Variants in GREB1L observed in about 807,000 individuals in gnomAD.
GREB1L encodes the protein GREB1 like retinoic acid receptor coactivator, also known as GREB1-like protein.
A neutral mutation model predicts 200.8 loss-of-function variants in GREB1L; 17 were observed. The ratio of observed to expected loss-of-function variants is 0.08; its 90% CI spans 0.06 to 0.13. The LOEUF (loss-of-function observed/expected upper bound fraction) is 0.13, where lower values mean the gene tolerates loss of function less well. Ranked by LOEUF, GREB1L falls within the 10% of genes least tolerant of loss-of-function variation. GREB1L has a pLI of 1.00. For missense variants in GREB1L, 1,657 were observed against 2,367.7 expected, an observed-to-expected ratio of 0.70 and a Z score of 6.23; for synonymous variants, 789 against 893.0, an observed-to-expected ratio of 0.88 and a Z score of 2.08.
intron 7 of GREB1L, among the ~76,000 whole-genome samples, chr18:21,418,420 T>C (rs1316140396): frequency 1.3e-5 from 2 of 152,228 alleles, no homozygotes; most frequent in East Asian, 3.8e-4. Context: ...CTGAATACAA[T>C]GTAAATGTTA....
intron 1 of GREB1L, among the ~76,000 whole-genome samples, chr18:21,346,351 T>C (rs1304330583): frequency 1.3e-5 from 2 of 152,036 alleles, no homozygotes; most frequent in East Asian, 3.9e-4. Flanking sequence ...CCTACCAGAC[T>C]GCCACCGGGG....
intron 31 of GREB1L, among the ~76,000 whole-genome samples, chr18:21,520,404 C>CT (rs756696624): frequency 2.6e-5 from 4 of 152,264 alleles, no homozygotes; most frequent in Non-Finnish European, 4.4e-5. Flanking sequence ...GATAAAGACT[C>CT]TTAAATGGAA....
chr18:21,400,908 A>G (rs1031312639), intron 5 of GREB1L, among the ~76,000 whole-genome samples: 10 of 152,188 alleles, frequency 6.6e-5, no homozygotes, highest in African/African-American at 2.4e-4. Flanking sequence ...TATTTCCTTA[A>G]TCTTTTAGAG....
At chr18:21,312,132 A>G (rs2038801683) in intron 1 of GREB1L, among the ~76,000 whole-genome samples, 2 of 152,164 alleles carry the variant, frequency 1.3e-5, no homozygotes, top group Admixed American at 6.5e-5. Context: ...AGCTCCATCC[A>G]TGTCCCTGCA....
intron 24 of GREB1L, 42 bp downstream of exon 24, chr18:21,505,609 G>A (rs1045072683): frequency 1.9e-6 from 3 of 1,544,204 alleles, no homozygotes; most frequent in African/African-American, 2.7e-5. Context: ...CTGGGTTAAG[G>A]GGACACTAGC....
At chr18:21,375,151 G>A (rs539532439) in intron 2 of GREB1L, among the ~76,000 whole-genome samples, 5 of 151,394 alleles carry the variant, frequency 3.3e-5, no homozygotes, top group African/African-American at 9.7e-5. Flanking sequence ...GCAAACCTCC[G>A]CCTCCTGGGT....
In GREB1L at chr18:21,301,046, G is replaced by A. The variant is rs118031347; in HGVS notation, c.-120+58653G>A. On this transcript the variant is annotated intron_variant, in intron 1 of 32. Transcript: ENST00000424526. ...GAGCCTGTGTTTAATTCAGTAGCAT[G>A]ATGCTTTCTGTGCTACTGGCATTTG... Among the ~76,000 whole-genome samples the A allele has an allele frequency of 3.3e-5, 5 of 152,322 alleles. No individual in the cohort carries two copies. The East Asian group carries it at 9.6e-4, about 29-fold the overall frequency.
chr18:21,317,181 C>T (rs943347243), intron 1 of GREB1L, among the ~76,000 whole-genome samples: 3 of 152,056 alleles, frequency 2.0e-5, no homozygotes, highest in African/African-American at 7.2e-5. Context: ...CAAGGCCAGC[C>T]TGGGCAACAT....
intron 9 of GREB1L, 112 bp downstream of exon 9, chr18:21,440,500 A>G (rs1270322277): frequency 5.7e-6 from 6 of 1,049,120 alleles, no homozygotes; most frequent in East Asian, 2.6e-5. Flanking sequence ...GGATATTGAT[A>G]GTAGCTAATG....
At chr18:21,517,207 C>T (rs2037451160) in intron 30 of GREB1L, among the ~76,000 whole-genome samples, 1 of 152,162 alleles carries the variant, frequency 6.6e-6, no homozygotes, top group Non-Finnish European at 1.5e-5. Flanking sequence ...TTTTCAATCT[C>T]ATTTCTGTTA....
At chr18:21,344,766 TAGGC>T (rs2039320004) in intron 1 of GREB1L, among the ~76,000 whole-genome samples, 1 of 152,154 alleles carries the variant, frequency 6.6e-6, no homozygotes, top group Admixed American at 6.5e-5. Context: ...TGGGAACTCA[TAGGC>T]AGTCTTAAAT....
chr18:21,338,759 A>C (rs1370299834), intron 1 of GREB1L, among the ~76,000 whole-genome samples: 1 of 152,042 alleles, frequency 6.6e-6, no homozygotes, highest in Admixed American at 6.5e-5. Context: ...ACATATCTCA[A>C]CTCCTTTAGG....
intron 7 of GREB1L, among the ~76,000 whole-genome samples, chr18:21,430,621 A>G (rs1201854405): frequency 1.6e-4 from 16 of 100,788 alleles, no homozygotes; most frequent in Admixed American, 1.5e-3. Flanking sequence ...TTTGAGACGG[A>G]GTTTCGCTCT....
intron 2 of GREB1L, among the ~76,000 whole-genome samples, chr18:21,370,596 T>C (rs966456633): frequency 2.0e-5 from 3 of 152,248 alleles, no homozygotes; most frequent in African/African-American, 7.2e-5. Context: ...AGTCATAATC[T>C]ATCCTATAGA....
intron 7 of GREB1L, among the ~76,000 whole-genome samples, chr18:21,428,615 TTAGCCA>T (rs1325178911): frequency 2.0e-5 from 3 of 148,650 alleles, no homozygotes; most frequent in African/African-American, 5.1e-5. Flanking sequence ...TAAATCTCAC[TTAGCCA>T]TAGCATATAG....
At chr18:21,519,485 C>T (rs906251898) in intron 31 of GREB1L, among the ~76,000 whole-genome samples, 4 of 152,002 alleles carry the variant, frequency 2.6e-5, no homozygotes, top group South Asian at 2.1e-4. Context: ...CCCACACCCA[C>T]GAGATCTAAT....
At chr18:21,324,068 G>A (rs1389824295) in intron 1 of GREB1L, among the ~76,000 whole-genome samples, 1 of 152,106 alleles carries the variant, frequency 6.6e-6, no homozygotes, top group Non-Finnish European at 1.5e-5. Flanking sequence ...TACCTGTTGG[G>A]TATTTGATTA....
chr18:21,395,365 T>C lies in GREB1L; in HGVS notation c.356-20T>C. 3 of 1,537,464 alleles carry C rather than the reference T, an allele frequency of 2.0e-6. No homozygotes were observed. The highest frequency in any genetic ancestry group is 1.2e-5 in the South Asian group (1 of 83,144). On this transcript the variant is annotated intron_variant, in intron 4 of 32. Coordinates refer to ENST00000424526, the MANE Select transcript of GREB1L (RefSeq NM_001142966.3). ...TCACTAAACATTTCACTGTGTCCTT[T>C]TTTTTAAACTGGTTTTTAGGTTTTT...
At chr18:21,452,817 G>T (rs1294500770) in intron 14 of GREB1L, among the ~76,000 whole-genome samples, 32 of 152,098 alleles carry the variant, frequency 2.1e-4, no homozygotes, top group Admixed American at 2.1e-3. Context: ...CATAGGACAG[G>T]ACAGAAAAAA....
Sources: allele counts gnomAD v4.1 joint callset (sites outside exome capture counted in the v4.1 genomes callset), GRCh38; gene constraint gnomAD v4.1.1; transcripts MANE v1.5; gene names NCBI Gene and HGNC (gene_info 2026-07-23, HGNC 2026-07-21).